The following MAML3 variants were observed in gnomAD, a reference collection of about 807,000 sequenced individuals.
The protein encoded by MAML3 is mastermind-like protein 3.
Under a neutral mutation model 101.9 loss-of-function variants are expected in MAML3, and 27 were observed. The ratio of observed to expected loss-of-function variants is 0.27; its 90% CI spans 0.20 to 0.37. The LOEUF (loss-of-function observed/expected upper bound fraction) is 0.37. MAML3 is among the 10% of genes least tolerant of loss of function. The pLI, the probability that MAML3 is intolerant of heterozygous loss-of-function variation, is 1.00. For missense variants in MAML3, 1,316 were observed against 1,444.9 expected, an observed-to-expected ratio of 0.91 and a Z score of 1.45; for synonymous variants, 501 against 555.9, an observed-to-expected ratio of 0.90 and a Z score of 1.39.
chr4:139,930,473 C>T (rs746503617), intron 1 of MAML3, among the ~76,000 whole-genome samples: 3 of 152,174 alleles, frequency 2.0e-5, no homozygotes, highest in Non-Finnish European at 2.9e-5. Flanking sequence ...AACAGCCACT[C>T]CTCCAGGATG....
intron 1 of MAML3, among the ~76,000 whole-genome samples, chr4:140,074,642 C>T (rs979131069): frequency 1.3e-5 from 2 of 151,790 alleles, no homozygotes; most frequent in African/African-American, 4.9e-5. Context: ...ACCCTGAGCA[C>T]ATTAGTTTTC....
chr4:140,053,073 C>T (rs983891416), intron 1 of MAML3, among the ~76,000 whole-genome samples: 4 of 152,110 alleles, frequency 2.6e-5, no homozygotes, highest in African/African-American at 9.7e-5. Context: ...TCATTCAAAA[C>T]CTAAAAGTGT....
At chr4:140,022,157 T>C (rs1243366077) in intron 1 of MAML3, among the ~76,000 whole-genome samples, 29 of 152,178 alleles carry the variant, frequency 1.9e-4, no homozygotes, top group Admixed American at 1.9e-3. Context: ...CTGTTTCAAA[T>C]AGGGGTAAAT....
chr4:140,073,933 A>G (rs1727708382), intron 1 of MAML3, among the ~76,000 whole-genome samples: 1 of 151,832 alleles, frequency 6.6e-6, no homozygotes, highest in South Asian at 2.1e-4. Flanking sequence ...AGAGATCAAG[A>G]CCATCCTGGC....
At chr4:139,908,214 T>G (rs1253772611) in intron 1 of MAML3, among the ~76,000 whole-genome samples, 1 of 152,204 alleles carries the variant, frequency 6.6e-6, no homozygotes, top group Non-Finnish European at 1.5e-5. Flanking sequence ...AAACTGACAT[T>G]TTAGATTTCC....
intron 1 of MAML3, among the ~76,000 whole-genome samples, chr4:140,118,905 A>G (rs977373838): frequency 3.3e-5 from 5 of 152,296 alleles, no homozygotes; most frequent in Middle Eastern, 3.4e-3. Context: ...CACACACAGA[A>G]TGGATGCAGC....
At chr4:139,810,837 G>T (rs1308033939) in intron 2 of MAML3, among the ~76,000 whole-genome samples, 1 of 152,168 alleles carries the variant, frequency 6.6e-6, no homozygotes, top group East Asian at 1.9e-4. Context: ...TGTACTTGAG[G>T]AGGGATTTTC....
At chr4:139,797,161 T>C (rs1730524700) in intron 2 of MAML3, among the ~76,000 whole-genome samples, 1 of 152,226 alleles carries the variant, frequency 6.6e-6, no homozygotes, top group Non-Finnish European at 1.5e-5. Flanking sequence ...AAACTTGTTT[T>C]ACAGTTTATC....
rs1731573310 is a variant in MAML3 at position 139,852,403 on chromosome 4, G to GTTTTTTTTTTTTTTTGTTGT, written c.2079+36953_2079+36954insACAACAAAAAAAAAAAAAAA. Among the ~76,000 whole-genome samples the GTTTTTTTTTTTTTTTGTTGT allele has an allele frequency of 2.4e-3, 167 of 68,354 alleles. 3 individuals are homozygous for GTTTTTTTTTTTTTTTGTTGT. Among genetic ancestry groups the GTTTTTTTTTTTTTTTGTTGT allele is most frequent in the African/African-American group, 0.011 (160 of 15,064 alleles). The allele number at this position is 68,354 out of a possible 152,430, so 44.8% of individuals were successfully genotyped here. Reference sequence around the variant, plus strand: ...AAAGCTCACCAAAATTCAGAAGACTGTTTTTTTTTTTTTTTTTTTTTTTTT... The same window carrying GTTTTTTTTTTTTTTTGTTGT: ...AAAGCTCACCAAAATTCAGAAGACTGTTTTTTTTTTTTTTTGTTGTTTTTTTTTTTTTTTTTTTTTTTTTT... On this transcript the variant is annotated intron_variant, in intron 2 of 4. Coordinates refer to ENST00000509479, the MANE Select transcript of MAML3 (RefSeq NM_018717.5).
chr4:139,866,948 T>C (rs528923034), intron 2 of MAML3, among the ~76,000 whole-genome samples: 100 of 152,338 alleles, frequency 6.6e-4, no homozygotes, highest in Non-Finnish European at 1.2e-3. Flanking sequence ...AGGGACCACA[T>C]GTTAAGCTTC....
intron 3 of MAML3, among the ~76,000 whole-genome samples, chr4:139,729,932 T>C (rs1001330324): frequency 3.9e-5 from 6 of 152,350 alleles, no homozygotes; most frequent in African/African-American, 1.2e-4. Context: ...CAGGCCTTAT[T>C]ATTCTGCTAT....
chr4:140,072,385 T>C (rs1727674573), intron 1 of MAML3, among the ~76,000 whole-genome samples: 1 of 152,092 alleles, frequency 6.6e-6, no homozygotes, highest in South Asian at 2.1e-4. Context: ...ACTTAAAGTA[T>C]ACAGGCCAGG....
intron 2 of MAML3, among the ~76,000 whole-genome samples, chr4:139,760,232 G>C (rs1281722101): frequency 6.6e-6 from 1 of 152,226 alleles, no homozygotes; most frequent in Non-Finnish European, 1.5e-5. Flanking sequence ...CTGAAAAGAT[G>C]AGCTAAATTC....
intron 1 of MAML3, among the ~76,000 whole-genome samples, chr4:139,896,651 T>TGAGA (rs869129244): frequency 6.0e-5 from 9 of 150,188 alleles, no homozygotes; most frequent in Non-Finnish European, 1.2e-4. Context: ...TGTGTGTGTG[T>TGAGA]GAGAGAGAGA....
intron 1 of MAML3, among the ~76,000 whole-genome samples, chr4:140,032,633 A>G (rs1444336772): frequency 6.6e-6 from 1 of 152,164 alleles, no homozygotes; most frequent in Non-Finnish European, 1.5e-5. Context: ...TCAATGATAC[A>G]AATGGGTAAA....
chr4:139,832,094 C>CTTTTTTTTTTTTTT (rs70943444), intron 2 of MAML3, among the ~76,000 whole-genome samples: 957 of 64,666 alleles, frequency 0.015, 119 homozygotes, highest in Middle Eastern at 0.029. Flanking sequence ...TGCCCAGCCC[C>CTTTTTTTTTTTTTT]TTTTTTTTTT....
chr4:139,979,076 G>A (rs1734399670), intron 1 of MAML3, among the ~76,000 whole-genome samples: 1 of 152,086 alleles, frequency 6.6e-6, no homozygotes, highest in Non-Finnish European at 1.5e-5. Flanking sequence ...CATTTTGTAT[G>A]TGTCCGGCTC....
At chr4:139,780,641 T>G (rs1560792240) in intron 2 of MAML3, among the ~76,000 whole-genome samples, 4 of 142,582 alleles carry the variant, frequency 2.8e-5, no homozygotes, top group Admixed American at 6.9e-5. Flanking sequence ...TTTTTTTTTT[T>G]GGAGACAGAG....
chr4:139,791,309 C>A (rs1212341304), intron 2 of MAML3, among the ~76,000 whole-genome samples: 1 of 151,912 alleles, frequency 6.6e-6, no homozygotes, highest in Non-Finnish European at 1.5e-5. Context: ...CCAGTCTGGA[C>A]AACATGGCAA....
Sources: gnomAD v4.1 joint callset for allele counts (sites outside exome capture counted in the v4.1 genomes callset) on GRCh38, gnomAD v4.1.1 for gene constraint, MANE v1.5 for transcripts, NCBI Gene and HGNC (gene_info 2026-07-23, HGNC 2026-07-21) for gene names.